Variants in ZNF337 observed in about 807,000 individuals in gnomAD.
ZNF337 encodes the protein zinc finger protein 337.
In ZNF337, 8 loss-of-function variants were observed where a neutral mutation model predicts 12.1. The observed-to-expected ratio is 0.66, with a 90% CI of 0.39 to 1.19. The LOEUF (loss-of-function observed/expected upper bound fraction) is 1.19. ZNF337 is among the 50% of genes most tolerant of loss of function. The pLI is 0.01. For synonymous variants in ZNF337, 336 were observed against 320.0 expected (o/e 1.05, Z -0.53); for missense variants, 882 against 896.6 (o/e 0.98, Z 0.21).
At chr20:25,681,816 A>G (rs1249809148) in intron 4 of ZNF337, among the ~76,000 whole-genome samples, 2 of 152,222 alleles carry the variant, frequency 1.3e-5, no homozygotes, top group East Asian at 1.9e-4. Flanking sequence ...ACAAAGAAAC[A>G]TTATAATACT....
At chr20:25,678,167 T>A (rs2065727916) in intron 4 of ZNF337, 1 of 152,026 alleles carries the variant, frequency 6.6e-6, no homozygotes, top group Admixed American at 6.6e-5. Context: ...TAAACACTCT[T>A]CGAACTGATG....
intron 4 of ZNF337, among the ~76,000 whole-genome samples, chr20:25,679,694 T>C (rs977024793): frequency 6.6e-6 from 1 of 152,048 alleles, no homozygotes; most frequent in African/African-American, 2.4e-5. Context: ...AAGGCAATAA[T>C]TATACACTCT....
intron 4 of ZNF337, among the ~76,000 whole-genome samples, chr20:25,683,203 G>A (rs1316982461): frequency 6.6e-6 from 1 of 151,172 alleles, no homozygotes; most frequent in Non-Finnish European, 1.5e-5. Context: ...TGCTCCAAGA[G>A]AGAACAAGTC....
chr20:25,675,354 G>T lies in ZNF337; in HGVS notation c.1934C>A (p.Thr645Lys), dbSNP rs1406158799. The part of the protein sequence containing the change: ...RGFNWKGNLL[T>K]HQRTHSGEKP... ...CTCCCCTGAGTGTGTCCTCTGGTGTGTGAGGAGATTTCCCTTCCAGTTGAA... is the reference window on the plus strand; with the variant it reads ...CTCCCCTGAGTGTGTCCTCTGGTGTTTGAGGAGATTTCCCTTCCAGTTGAA... Residue 645 changes from threonine (T) to lysine (K), a missense_variant, in exon 5 of 5, where the codon ACA becomes AAA. Thr to Lys is a moderately conservative substitution (Grantham distance 78, BLOSUM62 -1). Transcript: ENST00000252979. 1 of 1,609,186 alleles carries T rather than the reference G, an allele frequency of 6.2e-7. No homozygotes were observed. The highest frequency in any genetic ancestry group is 1.4e-5 in the African/African-American group (1 of 73,634).
chr20:25,673,445 G>A lies in ZNF337; in HGVS notation c.*1587C>T, dbSNP rs1600424366. Among the ~76,000 whole-genome samples the A allele has an allele frequency of 6.6e-6, 1 of 152,204 alleles. No individual in the cohort carries two copies. Among genetic ancestry groups the A allele is most frequent in the Non-Finnish European group, 1.5e-5 (1 of 68,034 alleles). The stretch of plus-strand genomic sequence containing the variant: ...TGAAGGTTCTGTGGTAATGAATGGT[G>A]GAAATGCTATTCCTAAGGAAGGATG... On this transcript the variant is annotated 3_prime_UTR_variant, in exon 5 of 5. Transcript: ENST00000252979.
Position 25,686,015 on chromosome 20 carries a change from G to A in ZNF337, c.135C>T (p.Tyr45=), listed in dbSNP as rs771157237. The change falls in exon 3 of 5, where the codon TAC becomes TAT. Residue 45 remains tyrosine, a synonymous_variant. Coordinates refer to ENST00000252979, the MANE Select transcript of ZNF337 (RefSeq NM_015655.4). ...ALYREVTLEN[Y]SHLVSLGILH... The stretch of plus-strand genomic sequence containing the variant: ...GCTTACCTAGTGAGACCAGGTGGCT[G>A]TAGTTCTCCAGTGTCACCTCCCTGT... The A allele has an allele frequency of 5.6e-6, 9 of 1,612,980 alleles. No individual in the cohort carries two copies. The highest frequency in any genetic ancestry group is 7.6e-6 in the Non-Finnish European group (9 of 1,179,646).
At chr20:25,677,186 T>C (rs1249680372) in intron 4 of ZNF337, 149 bp from the exon 5 acceptor site, 8 of 710,866 alleles carry the variant, frequency 1.1e-5, no homozygotes, top group Non-Finnish European at 1.8e-5. Context: ...TCCAAAAAAT[T>C]GAAGCAGGGC....
intron 1 of ZNF337, 39 bp from the exon 2 acceptor site, chr20:25,686,505 C>A: frequency 1.3e-6 from 2 of 1,494,550 alleles, no homozygotes; most frequent in Admixed American, 1.8e-5. Flanking sequence ...CTGGGTGCAG[C>A]TGCCCTCCCC....
intron 1 of ZNF337, among the ~76,000 whole-genome samples, chr20:25,694,012 G>A (rs2065901508): frequency 6.6e-6 from 1 of 152,162 alleles, no homozygotes; most frequent in Non-Finnish European, 1.5e-5. Context: ...CAGGTTCCTG[G>A]GAACAGATCC....
chr20:25,693,938 A>C (rs1329942851), intron 1 of ZNF337, among the ~76,000 whole-genome samples: 1 of 151,996 alleles, frequency 6.6e-6, no homozygotes, highest in East Asian at 1.9e-4. Flanking sequence ...TCCCAGTCCC[A>C]GGGTAGAGCC....
At position 25,686,418 on chromosome 20, in the gene ZNF337, G is replaced by A; in HGVS notation, c.-1C>T. The A allele has an allele frequency of 6.2e-7, 1 of 1,614,094 alleles. No homozygotes were observed. The highest frequency in any genetic ancestry group is 8.5e-7 in the Non-Finnish European group (1 of 1,179,962). ...GTCTCCTGGCTCCCTGAGGTCCCAT[G>A]ACTGTCTTCCTGCTCTCCACGGAGA... On this transcript the variant is annotated 5_prime_UTR_variant, in exon 2 of 5. Coordinates refer to ENST00000252979, the MANE Select transcript of ZNF337 (RefSeq NM_015655.4).
intron 1 of ZNF337, among the ~76,000 whole-genome samples, chr20:25,689,557 T>C (rs2065867343): frequency 6.7e-6 from 1 of 149,426 alleles, no homozygotes; most frequent in Admixed American, 6.6e-5. Context: ...GTGTATACTT[T>C]AAAGAGTCAA....
rs1396255176 is a variant in ZNF337 at position 25,675,121 on chromosome 20, T to A, written c.2167A>T (p.Ser723Cys). The part of the protein sequence containing the change: ...YECQECGRKF[S>C]NKSYYSKHLK... ...TGCTTACTGTAGTATGACTTATTGC[T>A]AAACTTTCGTCCACACTCTTGGCAT... is the stretch of plus-strand genomic sequence containing the variant. The change falls in exon 5 of 5, where the codon AGC (serine) becomes TGC (cysteine). Residue 723 changes from serine to cysteine, a missense_variant. Ser to Cys is a moderately radical substitution (Grantham distance 112, BLOSUM62 -1). Transcript: ENST00000252979. 1 of 1,614,200 alleles carries A rather than the reference T, an allele frequency of 6.2e-7. No individual in the cohort carries two copies. The highest frequency in any genetic ancestry group is 8.5e-7 in the Non-Finnish European group (1 of 1,180,046).
chr20:25,679,680 A>G (rs929216051), intron 4 of ZNF337, among the ~76,000 whole-genome samples: 1 of 152,180 alleles, frequency 6.6e-6, no homozygotes, highest in East Asian at 1.9e-4. Flanking sequence ...AAAGATGCAG[A>G]AAAAAGGCAA....
At chr20:25,691,898 A>G (rs367760212) in intron 1 of ZNF337, among the ~76,000 whole-genome samples, 3 of 152,218 alleles carry the variant, frequency 2.0e-5, no homozygotes, top group East Asian at 1.9e-4. Context: ...TCCAGAATCC[A>G]CATTTCTGAT....
intron 1 of ZNF337, among the ~76,000 whole-genome samples, chr20:25,693,966 AAG>A (rs1482607337): frequency 2.0e-5 from 3 of 152,098 alleles, no homozygotes; most frequent in Non-Finnish European, 4.4e-5. Context: ...GTTAAAAAAA[AAG>A]GACCCAAAGT....
chr20:25,689,129 C>T (rs572010067), intron 1 of ZNF337, among the ~76,000 whole-genome samples: 3 of 115,882 alleles, frequency 2.6e-5, no homozygotes, highest in East Asian at 5.0e-4. Context: ...AGTGAGACTC[C>T]GTCACAAAAA....
intron 4 of ZNF337, among the ~76,000 whole-genome samples, chr20:25,682,045 C>G (rs1381988741): frequency 1.3e-5 from 2 of 152,002 alleles, no homozygotes; most frequent in East Asian, 3.9e-4. Flanking sequence ...TAGTATCCAC[C>G]AAAATATAAT....
intron 4 of ZNF337, 158 bp from the exon 5 acceptor site, chr20:25,677,195 G>A (rs929119269): frequency 3.0e-6 from 2 of 672,490 alleles, no homozygotes; most frequent in Non-Finnish European, 4.8e-6. Flanking sequence ...TTGAAGCAGG[G>A]CAGGGAGGAA....
Sources: allele counts gnomAD v4.1 joint callset (sites outside exome capture counted in the v4.1 genomes callset), GRCh38; gene constraint gnomAD v4.1.1; transcripts MANE v1.5; gene names NCBI Gene and HGNC (gene_info 2026-07-23, HGNC 2026-07-21).